Variants in KCTD16 observed in about 807,000 individuals in gnomAD.
The protein encoded by KCTD16 is potassium channel tetramerization domain containing 16.
Under a neutral mutation model 33.2 loss-of-function variants are expected in KCTD16, and 13 were observed. The ratio of observed to expected loss-of-function variants is 0.39; its 90% CI spans 0.25 to 0.62. The LOEUF is 0.62. Among genes scored for constraint, KCTD16 ranks in the 20% least tolerant of loss-of-function variants. The pLI, the probability that KCTD16 is intolerant of heterozygous loss-of-function variation, is 0.50. For missense variants in KCTD16, 441 were observed against 525.1 expected (o/e 0.84, Z 1.57); for synonymous variants, 197 against 195.3 (o/e 1.01, Z -0.07).
intron 3 of KCTD16, among the ~76,000 whole-genome samples, chr5:144,242,815 C>A (rs1267346621): frequency 6.6e-6 from 1 of 152,148 alleles, no homozygotes; most frequent in East Asian, 1.9e-4. Context: ...AACCAGAACT[C>A]ACTTAAGCCC....
At chr5:144,396,100 G>A (rs898874672) in intron 3 of KCTD16, among the ~76,000 whole-genome samples, 1 of 152,080 alleles carries the variant, frequency 6.6e-6, no homozygotes, top group African/African-American at 2.4e-5. Context: ...ACATAATGGG[G>A]AGGGAGAAAA....
chr5:144,411,530 TAACTC>T (rs1369024724), intron 3 of KCTD16, among the ~76,000 whole-genome samples: 1 of 152,120 alleles, frequency 6.6e-6, no homozygotes, highest in Non-Finnish European at 1.5e-5. Flanking sequence ...TTAAAAAAAT[TAACTC>T]AAATGAATTA....
At chr5:144,322,103 A>T (rs142303351) in intron 3 of KCTD16, among the ~76,000 whole-genome samples, 3 of 152,306 alleles carry the variant, frequency 2.0e-5, no homozygotes, top group Non-Finnish European at 4.4e-5. Context: ...GGATAAGAAT[A>T]ATTCTAAAAG....
chr5:144,193,176 A>T (rs923155793), intron 2 of KCTD16, among the ~76,000 whole-genome samples: 8 of 152,196 alleles, frequency 5.3e-5, no homozygotes, highest in African/African-American at 1.7e-4. Context: ...ACAATCTGTT[A>T]TCCCCATATC....
intron 2 of KCTD16, among the ~76,000 whole-genome samples, chr5:144,204,878 AT>A (rs1409098009): frequency 2.6e-5 from 4 of 152,028 alleles, no homozygotes; most frequent in Admixed American, 2.6e-4. Context: ...AAATCAAAGG[AT>A]TAAAAAAAAC....
At chr5:144,175,217 G>A (rs6887917) in intron 2 of KCTD16, among the ~76,000 whole-genome samples, 69,180 of 152,112 alleles carry the variant, frequency 0.45, 16,717 homozygotes, top group African/African-American at 0.62. Context: ...TAGGTGCCAT[G>A]TAATGCCCAT....
intron 3 of KCTD16, among the ~76,000 whole-genome samples, chr5:144,346,288 A>C (rs556035658): frequency 1.2e-4 from 18 of 152,264 alleles, no homozygotes; most frequent in African/African-American, 4.3e-4. Flanking sequence ...TTCAAACCTT[A>C]GGTATTGAAA....
chr5:144,343,938 A>T (rs1215506413), intron 3 of KCTD16, among the ~76,000 whole-genome samples: 1 of 152,176 alleles, frequency 6.6e-6, no homozygotes, highest in East Asian at 1.9e-4. Context: ...TGGAGGCATC[A>T]CGCTACCTGA....
chr5:144,366,209 A>G (rs1474214293), intron 3 of KCTD16, among the ~76,000 whole-genome samples: 1 of 152,190 alleles, frequency 6.6e-6, no homozygotes, highest in African/African-American at 2.4e-5. Flanking sequence ...AAGCTGGCCT[A>G]TGACAAAAAC....
intron 3 of KCTD16, among the ~76,000 whole-genome samples, chr5:144,460,385 ACT>A (rs1289127118): frequency 3.3e-5 from 5 of 151,820 alleles, no homozygotes; most frequent in African/African-American, 1.2e-4. Flanking sequence ...TCTCAGACCA[ACT>A]CACTCCACCA....
Position 144,206,987 on chromosome 5 carries a change from C to T in KCTD16, c.273C>T (p.Asp91=), listed in dbSNP as rs370559687. Residue 91 remains aspartate (D), a synonymous_variant, in exon 3 of 4, where the codon GAC becomes GAT. Coordinates refer to ENST00000512467, the MANE Select transcript of KCTD16 (RefSeq NM_020768.4). ...LFRYILDYLR[D]RQVVLPDHFP... is the part of the protein sequence containing the mutation. ...GTTATATTCTGGACTATCTCAGGGA[C>T]AGGCAGGTGGTCCTGCCTGATCACT... The T allele has an allele frequency of 3.1e-6, 5 of 1,614,074 alleles. No homozygotes were observed. Among genetic ancestry groups the T allele is most frequent in the African/African-American group, 1.3e-5 (1 of 74,926 alleles).
intron 3 of KCTD16, among the ~76,000 whole-genome samples, chr5:144,391,947 A>G (rs1161245223): frequency 6.6e-6 from 1 of 152,214 alleles, no homozygotes; most frequent in Non-Finnish European, 1.5e-5. Flanking sequence ...GCTAAGTGCT[A>G]TGTATAAATC....
At chr5:144,326,701 G>C (rs1561568524) in intron 3 of KCTD16, among the ~76,000 whole-genome samples, 1 of 150,768 alleles carries the variant, frequency 6.6e-6, no homozygotes, top group Non-Finnish European at 1.5e-5. Context: ...AAAAAAAAAA[G>C]AAAGAAAAGA....
At chr5:144,304,723 T>A (rs968947723) in intron 3 of KCTD16, among the ~76,000 whole-genome samples, 2 of 152,144 alleles carry the variant, frequency 1.3e-5, no homozygotes, top group African/African-American at 2.4e-5. Flanking sequence ...ATTGGAACGT[T>A]TTGGTCCCAG....
intron 3 of KCTD16, among the ~76,000 whole-genome samples, chr5:144,356,126 C>A (rs1306988620): frequency 4.6e-5 from 7 of 152,064 alleles, no homozygotes; most frequent in Non-Finnish European, 1.0e-4. Context: ...CTTATAACAC[C>A]CACATAACAT....
rs545765358 is a variant in KCTD16, at chr5:144,250,994, C to T, written c.832+43448C>T. Among the ~76,000 whole-genome samples, 12 of 152,044 alleles carry T rather than the reference C, an allele frequency of 7.9e-5. 1 individual carries two copies. In the South Asian group the frequency reaches 2.5e-3, roughly 32 times the overall value. On this transcript the variant is annotated intron_variant, in intron 3 of 3. Coordinates refer to ENST00000512467, the MANE Select transcript of KCTD16 (RefSeq NM_020768.4). The stretch of plus-strand genomic sequence containing the variant: ...GTATTGTTATCTAGTCTCCTGCTCT[C>T]GATAAGTAGCCACATTTTTACTTTG...
intron 3 of KCTD16, among the ~76,000 whole-genome samples, chr5:144,443,731 A>C (rs952931478): frequency 1.3e-5 from 2 of 152,066 alleles, no homozygotes; most frequent in African/African-American, 4.8e-5. Context: ...TATGAAGCTC[A>C]AGTTGTTCTA....
chr5:144,361,174 G>A (rs946710701), intron 3 of KCTD16, among the ~76,000 whole-genome samples: 4 of 151,044 alleles, frequency 2.6e-5, no homozygotes, highest in Non-Finnish European at 4.4e-5. Flanking sequence ...TTGTTCTTGC[G>A]ATAGTTTACT....
chr5:144,432,296 A>T (rs752861152), intron 3 of KCTD16, among the ~76,000 whole-genome samples: 12 of 152,176 alleles, frequency 7.9e-5, no homozygotes, highest in Non-Finnish European at 1.6e-4. Context: ...TGGTAGGAAC[A>T]TTAATAAGTG....
Sources: gnomAD v4.1 joint callset for allele counts (sites outside exome capture counted in the v4.1 genomes callset) on GRCh38, gnomAD v4.1.1 for gene constraint, MANE v1.5 for transcripts, NCBI Gene and HGNC (gene_info 2026-07-23, HGNC 2026-07-21) for gene names.